ADGRB3: variants seen among roughly 807,000 people sequenced by gnomAD.
ADGRB3 encodes the protein adhesion G protein-coupled receptor B3.
ADGRB3 carries 37 observed loss-of-function variants against 193.4 expected under a neutral mutation model. That is an observed-to-expected ratio of 0.19 (90% CI 0.15 to 0.25). The LOEUF (loss-of-function observed/expected upper bound fraction) is 0.25, where lower values mean the gene tolerates loss of function less well. Ranked by LOEUF, ADGRB3 falls within the 10% of genes least tolerant of loss-of-function variation. The probability of loss-of-function intolerance (pLI) is 1.00; values close to 1 mark genes in which losing one functional copy is unlikely to be tolerated. For synonymous variants in ADGRB3, 690 were observed against 644.2 expected, an observed-to-expected ratio of 1.07 and a Z score of -1.08; for missense variants, 1,637 against 1,852.9, an observed-to-expected ratio of 0.88 and a Z score of 2.14.
intron 3 of ADGRB3, among the ~76,000 whole-genome samples, chr6:68,751,722 T>A (rs752658803): frequency 2.8e-4 from 43 of 152,206 alleles, no homozygotes; most frequent in Non-Finnish European, 4.0e-4. Context: ...GTAGCCATCA[T>A]AATTGTCAAA....
At chr6:68,692,026 C>T (rs1468452981) in intron 3 of ADGRB3, among the ~76,000 whole-genome samples, 1 of 151,700 alleles carries the variant, frequency 6.6e-6, no homozygotes, top group Non-Finnish European at 1.5e-5. Flanking sequence ...AAAGAATGGC[C>T]ATGTGTACAC....
intron 3 of ADGRB3, among the ~76,000 whole-genome samples, chr6:68,732,959 T>C: frequency 6.6e-6 from 1 of 151,854 alleles, no homozygotes; most frequent in East Asian, 1.9e-4. Context: ...GATTTTTTAT[T>C]TCTAATGTCA....
At chr6:69,051,988 T>C (rs1427315552) in intron 15 of ADGRB3, among the ~76,000 whole-genome samples, 1 of 152,300 alleles carries the variant, frequency 6.6e-6, no homozygotes, top group African/African-American at 2.4e-5. Flanking sequence ...TCTCCCGGGT[T>C]CACACCATTC....
intron 3 of ADGRB3, among the ~76,000 whole-genome samples, chr6:68,823,849 TTGTC>T (rs1413970559): frequency 2.6e-5 from 4 of 152,190 alleles, no homozygotes; most frequent in African/African-American, 9.6e-5. Flanking sequence ...TCTATAAACT[TTGTC>T]TGGTTTGTAT....
At chr6:69,050,495 ACT>A (rs1437172156) in intron 15 of ADGRB3, among the ~76,000 whole-genome samples, 2 of 152,004 alleles carry the variant, frequency 1.3e-5, no homozygotes, top group South Asian at 2.1e-4. Flanking sequence ...AAAAAAGTCT[ACT>A]CTCAGCTTTT....
intron 17 of ADGRB3, among the ~76,000 whole-genome samples, chr6:69,116,895 C>T (rs1488453224): frequency 2.6e-5 from 4 of 152,330 alleles, no homozygotes; most frequent in Admixed American, 6.5e-5. Context: ...AACGGGGACT[C>T]AGCACTGCAA....
At chr6:69,252,692 AGATT>A (rs951102346) in intron 20 of ADGRB3, among the ~76,000 whole-genome samples, 1 of 151,870 alleles carries the variant, frequency 6.6e-6, no homozygotes, top group African/African-American at 2.4e-5. Flanking sequence ...TTTTTTATTT[AGATT>A]GTTTGGATAC....
chr6:69,084,638 T>G (rs1261677687), intron 17 of ADGRB3, among the ~76,000 whole-genome samples: 1 of 152,212 alleles, frequency 6.6e-6, no homozygotes, highest in Non-Finnish European at 1.5e-5. Flanking sequence ...TTTCAGTTTG[T>G]CAGTAAACAT....
chr6:69,252,700 T>G (rs1766649798), intron 20 of ADGRB3, among the ~76,000 whole-genome samples: 1 of 152,122 alleles, frequency 6.6e-6, no homozygotes, highest in South Asian at 2.1e-4. Flanking sequence ...TTAGATTGTT[T>G]GGATACAAAT....
intron 3 of ADGRB3, among the ~76,000 whole-genome samples, chr6:68,694,393 AT>A (rs1339014602): frequency 6.6e-6 from 1 of 151,952 alleles, no homozygotes; most frequent in African/African-American, 2.4e-5. Flanking sequence ...ACTTAAGTGA[AT>A]TTTTTTATAT....
chr6:69,050,501 A>T (rs1197617433), intron 15 of ADGRB3, among the ~76,000 whole-genome samples: 1 of 152,194 alleles, frequency 6.6e-6, no homozygotes, highest in Non-Finnish European at 1.5e-5. Context: ...GTCTACTCTC[A>T]GCTTTTCCAG....
At chr6:68,764,088 A>C (rs1029887987) in intron 3 of ADGRB3, among the ~76,000 whole-genome samples, 4 of 152,120 alleles carry the variant, frequency 2.6e-5, no homozygotes, top group Non-Finnish European at 5.9e-5. Flanking sequence ...ATACATAAAT[A>C]AATAAAATTT....
chr6:68,958,788 A>T (rs1469460482), intron 8 of ADGRB3, among the ~76,000 whole-genome samples: 1 of 152,138 alleles, frequency 6.6e-6, no homozygotes, highest in Non-Finnish European at 1.5e-5. Context: ...AAGCATATAG[A>T]TACCGTTTTC....
Position 69,355,874 on chromosome 6 carries a change from G to T in ADGRB3, c.3595+14G>T. ...CCTGTCGATCAGGTAAGAATATTTA[G>T]ATTTTGAAATCTAATCAGTAGGGAT... On this transcript the variant is annotated intron_variant, in intron 28 of 31. Coordinates refer to ENST00000370598, the MANE Select transcript of ADGRB3 (RefSeq NM_001704.3). 1.9e-6 allele frequency: 3 copies of T among 1,591,120 alleles called. No individual in the cohort carries two copies. The highest frequency in any genetic ancestry group is 1.1e-5 in the South Asian group (1 of 90,354).
At chr6:68,703,394 G>A (rs899236839) in intron 3 of ADGRB3, among the ~76,000 whole-genome samples, 5 of 151,900 alleles carry the variant, frequency 3.3e-5, no homozygotes, top group Admixed American at 3.3e-4. Flanking sequence ...GAAATTTTGA[G>A]CGTATCAATT....
chr6:68,969,722 C>T (rs966812604), intron 8 of ADGRB3, among the ~76,000 whole-genome samples: 1 of 152,200 alleles, frequency 6.6e-6, no homozygotes, highest in African/African-American at 2.4e-5. Flanking sequence ...ATAGTTTTGT[C>T]TACCTCTTCA....
At chr6:69,009,173 GATT>G (rs1251598261) in intron 11 of ADGRB3, among the ~76,000 whole-genome samples, 1 of 151,990 alleles carries the variant, frequency 6.6e-6, no homozygotes, top group Non-Finnish European at 1.5e-5. Context: ...GAAATAACTT[GATT>G]ATAAACTAGT....
chr6:68,648,572 C>T (rs1019271862), intron 3 of ADGRB3, among the ~76,000 whole-genome samples: 5 of 148,828 alleles, frequency 3.4e-5, no homozygotes, highest in African/African-American at 9.9e-5. Flanking sequence ...TGTACTCAGA[C>T]GTTAATGCTT....
chr6:68,926,325 A>G (rs1301414150), intron 3 of ADGRB3, among the ~76,000 whole-genome samples: 1 of 152,138 alleles, frequency 6.6e-6, no homozygotes, highest in African/African-American at 2.4e-5. Flanking sequence ...GCCAAGAAAA[A>G]TGGAAGTTAA....
Sources: allele counts gnomAD v4.1 joint callset (sites outside exome capture counted in the v4.1 genomes callset), GRCh38; gene constraint gnomAD v4.1.1; transcripts MANE v1.5; gene names NCBI Gene and HGNC (gene_info 2026-07-23, HGNC 2026-07-21).